Variants in CNTN6 observed in about 807,000 individuals in gnomAD.
CNTN6 encodes the protein contactin 6.
CNTN6 carries 137 observed loss-of-function variants against 122.8 expected under a neutral mutation model. The observed-to-expected ratio is 1.12, with a 90% CI of 0.97 to 1.29. CNTN6 has a LOEUF of 1.29. CNTN6 is among the 50% of genes most tolerant of loss of function. CNTN6 has a pLI of 0.00. For synonymous variants in CNTN6, 570 were observed against 426.0 expected (o/e 1.34, Z -4.16); for missense variants, 1,634 against 1,223.4 (o/e 1.34, Z -5.01).
At chr3:1,194,951 G>A (rs1371091531) in intron 2 of CNTN6, among the ~76,000 whole-genome samples, 1 of 151,682 alleles carries the variant, frequency 6.6e-6, no homozygotes. Flanking sequence ...GCAATTCTTA[G>A]AGATTAAAAA....
chr3:1,321,833 T>C lies in CNTN6; in HGVS notation c.945T>C (p.Tyr315=), dbSNP rs201309309. 4 of 1,599,802 alleles carry C rather than the reference T, an allele frequency of 2.5e-6. No homozygotes were observed. In the Admixed American group the frequency reaches 7.0e-5, roughly 28 times the overall value. The part of the protein sequence containing the change: ...RNLAKGQLIF[Y]APPEWEQKIQ... ...TTGCAAAGGGTCAACTCATTTTTTA[T>C]GGTGAGCTAATTGGATTTCAAATAT... Residue 315 remains tyrosine, a splice_region_variant and synonymous_variant, in exon 8 of 23, where the codon TAT becomes TAC. Coordinates refer to ENST00000446702, the MANE Select transcript of CNTN6 (RefSeq NM_001289080.2).
chr3:1,314,509 A>G (rs914056236), intron 7 of CNTN6, among the ~76,000 whole-genome samples: 1 of 152,278 alleles, frequency 6.6e-6, no homozygotes, highest in African/African-American at 2.4e-5. Context: ...TTTCTCAAAT[A>G]GCACTAGTAA....
intron 11 of CNTN6, among the ~76,000 whole-genome samples, chr3:1,330,394 G>C (rs886275091): frequency 2.0e-5 from 3 of 151,854 alleles, no homozygotes; most frequent in Non-Finnish European, 4.4e-5. Flanking sequence ...TGTAGAGAAA[G>C]AAGAGAGGTT....
chr3:1,319,997 A>G (rs1017385169), intron 7 of CNTN6, among the ~76,000 whole-genome samples: 9 of 151,784 alleles, frequency 5.9e-5, no homozygotes, highest in Non-Finnish European at 1.0e-4. Flanking sequence ...GTGAATATCT[A>G]TGTGAATAAA....
chr3:1,251,681 A>C (rs1219134512), intron 4 of CNTN6, among the ~76,000 whole-genome samples: 3 of 152,194 alleles, frequency 2.0e-5, no homozygotes, highest in Non-Finnish European at 4.4e-5. Context: ...CCTGACATTA[A>C]GTCACCATGA....
chr3:1,152,381 C>T (rs781294977), intron 2 of CNTN6, among the ~76,000 whole-genome samples: 3 of 152,042 alleles, frequency 2.0e-5, no homozygotes, highest in Non-Finnish European at 4.4e-5. Flanking sequence ...TCAGGCAATC[C>T]ACCCACCTCA....
chr3:1,336,074 C>T (rs113490879), intron 11 of CNTN6, among the ~76,000 whole-genome samples: 1 of 151,188 alleles, frequency 6.6e-6, no homozygotes, highest in African/African-American at 2.4e-5. Context: ...ACAACAACAA[C>T]AAAAAAATCC....
intron 2 of CNTN6, among the ~76,000 whole-genome samples, chr3:1,202,273 G>A (rs2093884816): frequency 6.6e-6 from 1 of 152,240 alleles, no homozygotes. Context: ...GGGCGCGGTG[G>A]CTCACGCCTG....
chr3:1,155,122 T>G (rs1012571084), intron 2 of CNTN6, among the ~76,000 whole-genome samples: 1 of 152,178 alleles, frequency 6.6e-6, no homozygotes, highest in Non-Finnish European at 1.5e-5. Flanking sequence ...GTCACTCTTG[T>G]CAACCTTTTT....
intron 1 of CNTN6, among the ~76,000 whole-genome samples, chr3:1,094,262 CTT>C (rs565150348): frequency 7.9e-4 from 121 of 152,224 alleles, no homozygotes; most frequent in African/African-American, 2.8e-3. Flanking sequence ...TAAGCAGACT[CTT>C]TTTCCCTCCT....
At chr3:1,243,753 C>G (rs28865667) in intron 4 of CNTN6, among the ~76,000 whole-genome samples, 1 of 152,084 alleles carries the variant, frequency 6.6e-6, no homozygotes, top group East Asian at 1.9e-4. Flanking sequence ...AGTCACAGAA[C>G]GAAACTGTAA....
rs144680220 is a variant in CNTN6, at chr3:1,120,388, G to C, written c.-83+27268G>C. ...GGCATGGTCAGTCTTTTTAGTTTTA[G>C]TCATTATTCTGGGTATGAAGTGCTA... On this transcript the variant is annotated intron_variant, in intron 1 of 22. Coordinates refer to ENST00000446702, the MANE Select transcript of CNTN6 (RefSeq NM_001289080.2). Among the ~76,000 whole-genome samples the C allele has an allele frequency of 7.9e-5, 12 of 151,868 alleles. No homozygotes were observed. The East Asian group carries it at 2.3e-3, about 29-fold the overall frequency.
chr3:1,341,362 C>T (rs77978900), intron 11 of CNTN6, among the ~76,000 whole-genome samples: 16 of 152,158 alleles, frequency 1.1e-4, no homozygotes, highest in Non-Finnish European at 1.6e-4. Flanking sequence ...AATGCTGCAG[C>T]GAATGGAGAC....
At chr3:1,179,199 A>C (rs1372305541) in intron 2 of CNTN6, among the ~76,000 whole-genome samples, 1 of 152,166 alleles carries the variant, frequency 6.6e-6, no homozygotes, top group African/African-American at 2.4e-5. Flanking sequence ...CTTACTCATT[A>C]CCACAAGGAC....
chr3:1,384,068 A>G (rs1455962947), intron 19 of CNTN6, among the ~76,000 whole-genome samples: 2 of 152,126 alleles, frequency 1.3e-5, no homozygotes, highest in Non-Finnish European at 2.9e-5. Context: ...AAGCAAACAA[A>G]TTAACACATA....
At position 1,298,309 on chromosome 3, in the gene CNTN6, C is replaced by T. The variant is rs766344153; in HGVS notation, c.761+318C>T. 1.9e-4 allele frequency: 37 copies of T among 190,164 alleles called. No individual in the cohort carries two copies. In the Admixed American group the frequency reaches 2.1e-3, roughly 11 times the overall value. 11.8% of individuals were successfully genotyped at this position (190,164 alleles called of 1,614,324 possible). On this transcript the variant is annotated intron_variant, in intron 7 of 22. Coordinates refer to ENST00000446702, the MANE Select transcript of CNTN6 (RefSeq NM_001289080.2). ...CACTCGTATAAGATGATGGGCAAGTCACTAAACCTTCCACATATCCTTCAC... is the reference window on the plus strand; with the variant it reads ...CACTCGTATAAGATGATGGGCAAGTTACTAAACCTTCCACATATCCTTCAC...
intron 7 of CNTN6, among the ~76,000 whole-genome samples, chr3:1,301,347 AC>A (rs1382119004): frequency 1.3e-5 from 2 of 152,096 alleles, no homozygotes; most frequent in East Asian, 1.9e-4. Context: ...TAAACTTTTG[AC>A]AAAAATTAAA....
At chr3:1,330,563 T>C (rs886245904) in intron 11 of CNTN6, among the ~76,000 whole-genome samples, 1 of 151,948 alleles carries the variant, frequency 6.6e-6, no homozygotes, top group Non-Finnish European at 1.5e-5. Flanking sequence ...CTTGTATACA[T>C]GAGGTGACTA....
chr3:1,236,305 C>T (rs7427331), intron 4 of CNTN6, among the ~76,000 whole-genome samples: 30,160 of 151,952 alleles, frequency 0.2, 3,162 homozygotes, highest in Admixed American at 0.22. Flanking sequence ...TAAACAAAAA[C>T]GCAACCAAGG....
Sources: allele counts gnomAD v4.1 joint callset (sites outside exome capture counted in the v4.1 genomes callset), GRCh38; gene constraint gnomAD v4.1.1; transcripts MANE v1.5; gene names NCBI Gene and HGNC (gene_info 2026-07-23, HGNC 2026-07-21).